The following MME variants were observed in gnomAD, a reference collection of about 807,000 sequenced individuals.
MME encodes the protein neprilysin.
MME carries 98 observed loss-of-function variants against 113.2 expected under a neutral mutation model. The ratio of observed to expected loss-of-function variants is 0.87; its 90% CI spans 0.74 to 1.02. MME has a LOEUF of 1.02. Ranked by LOEUF, MME falls within the 50% of genes least tolerant of loss-of-function variation. MME has a pLI of 0.00. For synonymous variants in MME, 292 were observed against 300.6 expected (o/e 0.97, Z 0.30); for missense variants, 836 against 896.0 (o/e 0.93, Z 0.86).
At chr3:155,064,354 C>G (rs1714314451) in intron 1 of MME, among the ~76,000 whole-genome samples, 1 of 152,082 alleles carries the variant, frequency 6.6e-6, no homozygotes, top group African/African-American at 2.4e-5. Context: ...TTCTAACCCT[C>G]TGATTTGCAA....
At chr3:155,143,414 A>G in intron 12 of MME, 29 bp from the exon 13 acceptor site, 1 of 1,608,616 alleles carries the variant, frequency 6.2e-7, no homozygotes, top group Non-Finnish European at 8.5e-7. Context: ...CCTTCTGGTC[A>G]AATGCCATTT....
intron 1 of MME, among the ~76,000 whole-genome samples, chr3:155,049,163 C>T (rs1018478548): frequency 5.3e-5 from 8 of 151,966 alleles, no homozygotes; most frequent in Admixed American, 2.0e-4. Context: ...AATAGTGTTA[C>T]CCCAAAATTT....
intron 3 of MME, among the ~76,000 whole-genome samples, chr3:155,101,790 G>A (rs1055597261): frequency 6.6e-6 from 1 of 152,128 alleles, no homozygotes; most frequent in Non-Finnish European, 1.5e-5. Context: ...TTCTTCTGTT[G>A]ATGGTCCTTT....
intron 14 of MME, among the ~76,000 whole-genome samples, chr3:155,145,118 C>T (rs1253088378): frequency 6.6e-6 from 1 of 152,078 alleles, no homozygotes; most frequent in East Asian, 1.9e-4. Flanking sequence ...TTTCAGCTCT[C>T]AAAGAGCCCT....
At chr3:155,172,770 G>A (rs1405349018) in intron 22 of MME, among the ~76,000 whole-genome samples, 158 bp downstream of exon 22, 2 of 149,590 alleles carry the variant, frequency 1.3e-5, no homozygotes, top group South Asian at 2.1e-4. Context: ...AGAACACATC[G>A]GAGCATTCTA....
At chr3:155,059,444 G>A (rs1714063751) in intron 1 of MME, among the ~76,000 whole-genome samples, 1 of 151,970 alleles carries the variant, frequency 6.6e-6, no homozygotes, top group African/African-American at 2.4e-5. Context: ...AAATACTTAC[G>A]AGACTGAGCA....
intron 12 of MME, among the ~76,000 whole-genome samples, chr3:155,143,058 T>G (rs1721237701): frequency 6.6e-6 from 1 of 152,170 alleles, no homozygotes; most frequent in Non-Finnish European, 1.5e-5. Flanking sequence ...GTACTCAGAG[T>G]TCAGCTAAAA....
chr3:155,129,484 T>G (rs1719962338), intron 8 of MME, among the ~76,000 whole-genome samples: 1 of 152,170 alleles, frequency 6.6e-6, no homozygotes, highest in African/African-American at 2.4e-5. Context: ...ATTTTTTTTT[T>G]GCTTTGGATA....
intron 21 of MME, 127 bp from the exon 22 acceptor site, chr3:155,172,409 T>G: frequency 2.3e-6 from 2 of 861,044 alleles, no homozygotes; most frequent in Non-Finnish European, 2.0e-6. Flanking sequence ...GAACATTATT[T>G]GAAGAGCGAA....
At chr3:155,032,437 C>CT (rs1410696980) in intron 1 of MME, among the ~76,000 whole-genome samples, 1 of 152,192 alleles carries the variant, frequency 6.6e-6, no homozygotes, top group Non-Finnish European at 1.5e-5. Flanking sequence ...AATCCCAAAT[C>CT]TGCAGTCAGC....
At chr3:155,116,397 A>T in intron 4 of MME, 82 bp from the exon 5 acceptor site, 3 of 1,062,186 alleles carry the variant, frequency 2.8e-6, no homozygotes, top group Non-Finnish European at 4.4e-6. Context: ...TGCAAATGTT[A>T]ATTACTGCAA....
At chr3:155,178,524 C>G (rs1373580094) in intron 22 of MME, among the ~76,000 whole-genome samples, 3 of 152,080 alleles carry the variant, frequency 2.0e-5, no homozygotes, top group Non-Finnish European at 2.9e-5. Context: ...CTGTGACCAA[C>G]CAGGTCACAG....
At chr3:155,160,329 G>A (rs1722623325) in intron 16 of MME, 61 bp from the exon 17 acceptor site, 1 of 1,079,456 alleles carries the variant, frequency 9.3e-7, no homozygotes, top group African/African-American at 1.6e-5. Context: ...CTTTAATTGT[G>A]TGAGTGGGTT....
chr3:155,039,218 T>C (rs1180553983), intron 1 of MME, among the ~76,000 whole-genome samples: 2 of 152,168 alleles, frequency 1.3e-5, no homozygotes, highest in African/African-American at 4.8e-5. Context: ...GCAAGGTGGT[T>C]TGACAGACGA....
chr3:155,126,180 T>G (rs1348046177), intron 8 of MME, among the ~76,000 whole-genome samples: 2 of 152,222 alleles, frequency 1.3e-5, no homozygotes, highest in Non-Finnish European at 2.9e-5. Flanking sequence ...GTACAGCTAC[T>G]GGCTTTAAGA....
intron 1 of MME, among the ~76,000 whole-genome samples, chr3:155,041,724 A>T (rs1713325440): frequency 6.6e-6 from 1 of 152,194 alleles, no homozygotes; most frequent in Admixed American, 6.5e-5. Context: ...GGCTTAGAGA[A>T]ATTAACAAAA....
intron 3 of MME, among the ~76,000 whole-genome samples, chr3:155,096,331 G>A (rs1256041763): frequency 1.3e-5 from 2 of 152,162 alleles, no homozygotes; most frequent in Non-Finnish European, 2.9e-5. Flanking sequence ...CCAAACAAAG[G>A]AATAACATTT....
At chr3:155,177,522 G>T (rs1268131921) in intron 22 of MME, among the ~76,000 whole-genome samples, 1 of 152,052 alleles carries the variant, frequency 6.6e-6, no homozygotes, top group Non-Finnish European at 1.5e-5. Flanking sequence ...CATTATAGAA[G>T]TGATTTTTTT....
chr3:155,115,174 T>C lies in MME; in HGVS notation c.358+19T>C. On this transcript the variant is annotated intron_variant, in intron 4 of 22. Coordinates refer to ENST00000360490, the MANE Select transcript of MME (RefSeq NM_007289.4). ...TTGAAAGGTTAGTAGAGATTGTGTC[T>C]GTGCATCAAAGATTTCTCTCTTAAT... 6.2e-7 allele frequency: 1 copy of C among 1,613,312 alleles called. No homozygotes were observed. Among genetic ancestry groups the C allele is most frequent in the Non-Finnish European group, 8.5e-7 (1 of 1,179,516 alleles).
Sources: gnomAD v4.1 joint callset for allele counts (sites outside exome capture counted in the v4.1 genomes callset) on GRCh38, gnomAD v4.1.1 for gene constraint, MANE v1.5 for transcripts, NCBI Gene and HGNC (gene_info 2026-07-23, HGNC 2026-07-21) for gene names.